Variants in CTPS1 observed in about 807,000 individuals in gnomAD.
The protein encoded by CTPS1 is CTP synthetase 1.
A neutral mutation model predicts 80.5 loss-of-function variants in CTPS1; 25 were observed. The ratio of observed to expected loss-of-function variants is 0.31; its 90% CI spans 0.23 to 0.43. The LOEUF is 0.43. Ranked by LOEUF, CTPS1 falls within the 20% of genes least tolerant of loss-of-function variation. The pLI, the probability that CTPS1 is intolerant of heterozygous loss-of-function variation, is 1.00. For synonymous variants in CTPS1, 267 were observed against 252.5 expected, an observed-to-expected ratio of 1.06 and a Z score of -0.54; for missense variants, 442 against 725.7, an observed-to-expected ratio of 0.61 and a Z score of 4.49.
At chr1:40,995,821 A>G in intron 7 of CTPS1, 96 bp from the exon 8 acceptor site, 2 of 1,271,444 alleles carry the variant, frequency 1.6e-6, no homozygotes, top group South Asian at 1.5e-5. Context: ...TCTGTTTTCA[A>G]ATACATAATA....
chr1:41,005,265 A>G lies in CTPS1; in HGVS notation c.1253-786A>G, dbSNP rs1570978245. ...TTCGAGACCAGCCTGACCAACATGGAGAAACCCCGTCTCTACTAAAAATAC... is the reference window on the plus strand; with the variant it reads ...TTCGAGACCAGCCTGACCAACATGGGGAAACCCCGTCTCTACTAAAAATAC... On this transcript the variant is annotated intron_variant, in intron 12 of 18. Transcript: ENST00000650070. Among the ~76,000 whole-genome samples the G allele has an allele frequency of 4.6e-5, 7 of 152,024 alleles. No individual in the cohort carries two copies. The Middle Eastern group carries it at 0.02, about 443-fold the overall frequency.
intron 14 of CTPS1, among the ~76,000 whole-genome samples, chr1:41,008,080 C>T (rs1377234658): frequency 6.6e-6 from 1 of 152,238 alleles, no homozygotes; most frequent in Non-Finnish European, 1.5e-5. Flanking sequence ...TCTGGGCGTT[C>T]TGTAGCAGCA....
At chr1:40,980,207 C>CA (rs1471654724) in intron 1 of CTPS1, 1 of 148,786 alleles carries the variant, frequency 6.7e-6, no homozygotes, top group East Asian at 2.0e-4. Flanking sequence ...CGCCCCCCCC[C>CA]ACACCCTCCG....
intron 16 of CTPS1, 46 bp from the exon 17 acceptor site, chr1:41,009,399 G>A (rs776545900): frequency 4.4e-5 from 67 of 1,513,810 alleles, no homozygotes; most frequent in Non-Finnish European, 5.8e-5. Context: ...TACACTTTGT[G>A]CATAACCTTC....
intron 17 of CTPS1, among the ~76,000 whole-genome samples, chr1:41,009,883 A>G (rs1276987330): frequency 1.3e-5 from 2 of 152,210 alleles, no homozygotes; most frequent in Non-Finnish European, 1.5e-5. Flanking sequence ...GTAAGCCACA[A>G]TGGGTAGGTT....
chr1:40,985,426 A>G lies in CTPS1; in HGVS notation c.337+435A>G, dbSNP rs866083537. Reference sequence around the variant, plus strand: ...TATACTGGTTTCCAGGCCGTTCATCAGTGCCATATGGCCTAGGAGGAGCCT... The same window carrying G: ...TATACTGGTTTCCAGGCCGTTCATCGGTGCCATATGGCCTAGGAGGAGCCT... On this transcript the variant is annotated intron_variant, in intron 3 of 18. Transcript: ENST00000650070. Among the ~76,000 whole-genome samples the G allele has an allele frequency of 2.0e-5, 3 of 152,258 alleles. No homozygotes were observed. The South Asian group carries it at 6.2e-4, about 32-fold the overall frequency.
chr1:40,987,756 G>A (rs112891555), intron 4 of CTPS1, among the ~76,000 whole-genome samples: 172 of 152,300 alleles, frequency 1.1e-3, no homozygotes, highest in African/African-American at 4.0e-3. Context: ...TCTTGAGCAA[G>A]TCAGCAGATC....
At chr1:41,009,726 C>G in intron 17 of CTPS1, 137 bp downstream of exon 17, 1 of 1,015,012 alleles carries the variant, frequency 9.9e-7, no homozygotes, top group South Asian at 1.6e-5. Flanking sequence ...GTTTCCTCTC[C>G]TTTCCCGGAG....
At chr1:40,988,360 A>G (rs1341616622) in intron 4 of CTPS1, 2 of 353,984 alleles carry the variant, frequency 5.6e-6, no homozygotes, top group African/African-American at 2.1e-5. Flanking sequence ...TCTTGAAATG[A>G]TGTGGAAAGT....
At chr1:40,981,985 C>G (rs1405762039) in intron 1 of CTPS1, 1 of 1,288,802 alleles carries the variant, frequency 7.8e-7, no homozygotes, top group South Asian at 1.2e-5. Context: ...AATGTCCTGA[C>G]CATGCCAAAG....
At chr1:41,000,171 T>C (rs1642867555) in intron 9 of CTPS1, among the ~76,000 whole-genome samples, 1 of 152,196 alleles carries the variant, frequency 6.6e-6, no homozygotes, top group Non-Finnish European at 1.5e-5. Flanking sequence ...TGAGGTTGTT[T>C]GGGGTAGGAG....
At chr1:40,990,268 C>G (rs1210777388) in intron 5 of CTPS1, among the ~76,000 whole-genome samples, 2 of 152,136 alleles carry the variant, frequency 1.3e-5, no homozygotes, top group Non-Finnish European at 2.9e-5. Context: ...CTGAACAATT[C>G]AAGGAAATTT....
At chr1:41,005,962 G>A (rs1420089085) in intron 12 of CTPS1, 89 bp from the exon 13 acceptor site, 8 of 1,035,622 alleles carry the variant, frequency 7.7e-6, no homozygotes, top group Non-Finnish European at 9.1e-6. Context: ...CTTAAACTGA[G>A]GAGGGAAGTT....
chr1:41,009,424 T>C (rs1193604928), intron 16 of CTPS1, 21 bp from the exon 17 acceptor site: 16 of 1,539,378 alleles, frequency 1.0e-5, no homozygotes, highest in Non-Finnish European at 1.4e-5. Context: ...TGAAGCTGTT[T>C]CTTTTGAATC....
chr1:40,983,095 A>G, intron 1 of CTPS1, 183 bp from the exon 2 acceptor site: 1 of 495,494 alleles, frequency 2.0e-6, no homozygotes, highest in Non-Finnish European at 3.6e-6. Context: ...CCATTCAGTG[A>G]TCCAAGAAAT....
intron 3 of CTPS1, among the ~76,000 whole-genome samples, chr1:40,985,982 T>C (rs1642441178): frequency 6.6e-6 from 1 of 152,254 alleles, no homozygotes; most frequent in Non-Finnish European, 1.5e-5. Context: ...AGAATGGTTT[T>C]GATCTTACAG....
intron 11 of CTPS1, among the ~76,000 whole-genome samples, chr1:41,002,697 G>A (rs1403285039): frequency 1.3e-5 from 2 of 152,112 alleles, no homozygotes; most frequent in African/African-American, 4.8e-5. Flanking sequence ...TTAAAGTACT[G>A]AGGCTAGGCA....
At chr1:41,009,981 T>C (rs985856355) in intron 17 of CTPS1, among the ~76,000 whole-genome samples, 180 bp from the exon 18 acceptor site, 2 of 152,260 alleles carry the variant, frequency 1.3e-5, no homozygotes, top group Middle Eastern at 3.2e-3. Flanking sequence ...TGTATATCTT[T>C]TGTAGCTAGA....
intron 7 of CTPS1, 68 bp downstream of exon 7, chr1:40,991,913 G>C: frequency 2.5e-6 from 3 of 1,191,502 alleles, no homozygotes; most frequent in Non-Finnish European, 3.7e-6. Context: ...CTCTTGATCA[G>C]TTTCGTGAGG....
Sources: gnomAD v4.1 joint callset for allele counts (sites outside exome capture counted in the v4.1 genomes callset) on GRCh38, gnomAD v4.1.1 for gene constraint, MANE v1.5 for transcripts, NCBI Gene and HGNC (gene_info 2026-07-23, HGNC 2026-07-21) for gene names.